Variants in REPS2 observed in about 807,000 individuals in gnomAD.
The protein encoded by REPS2 is ralBP1-associated Eps domain-containing protein 2.
A neutral mutation model predicts 53.6 loss-of-function variants in REPS2; 23 were observed. That is an observed-to-expected ratio of 0.43 (90% CI 0.31 to 0.61). REPS2 has a LOEUF of 0.61. REPS2 is among the 20% of genes least tolerant of loss of function. The pLI is 0.11. For missense variants in REPS2, 446 were observed against 534.9 expected (o/e 0.83, Z 1.64); for synonymous variants, 238 against 218.6 (o/e 1.09, Z -0.78).
At chrX:17,168,736 G>C in the REPS2 span, among the ~76,000 whole-genome samples, 1 of 112,082 alleles carries the variant, frequency 8.9e-6, no homozygotes, top group African/African-American at 3.2e-5. Context: ...CATTTGAACT[G>C]GGTCTTGTCC....
intron 13 of REPS2, among the ~76,000 whole-genome samples, chrX:17,085,772 C>A (rs1382148452): frequency 2.7e-5 from 3 of 111,345 alleles, no homozygotes; most frequent in Non-Finnish European, 5.7e-5. Context: ...AACCTCCACC[C>A]CCATATTATT....
intron 7 of REPS2, among the ~76,000 whole-genome samples, chrX:17,054,211 ATC>A (rs2062037531): frequency 8.9e-5 from 10 of 112,379 alleles, no homozygotes; most frequent in Middle Eastern, 4.6e-3. Flanking sequence ...TACTAGTTTT[ATC>A]CTAAAACATA....
chrX:17,073,491 T>G (rs1455027763), intron 11 of REPS2, among the ~76,000 whole-genome samples: 2 of 111,824 alleles, frequency 1.8e-5, no homozygotes, highest in African/African-American at 6.5e-5. Flanking sequence ...TGATTTAAAT[T>G]TGATGAGGAA....
intron 1 of REPS2, among the ~76,000 whole-genome samples, chrX:16,952,374 G>A (rs746320343): frequency 2.7e-5 from 3 of 111,469 alleles, no homozygotes; most frequent in African/African-American, 6.5e-5. Flanking sequence ...GATGGTTTCC[G>A]GCTTCATCCA....
intron 11 of REPS2, among the ~76,000 whole-genome samples, chrX:17,072,706 G>A (rs1400367261): frequency 1.8e-5 from 2 of 112,441 alleles, no homozygotes; most frequent in East Asian, 5.6e-4. Flanking sequence ...GGCAGCCTGC[G>A]TAGAGGGCTT....
chrX:17,132,672 G>A lies in REPS2; in HGVS notation c.1579-1152G>A, dbSNP rs761096449. Among the ~76,000 whole-genome samples the A allele has an allele frequency of 6.1e-4, 68 of 112,197 alleles. 1 individual carries two copies. Among genetic ancestry groups the A allele is most frequent in the Non-Finnish European group, 1.2e-3 (63 of 53,204 alleles). On this transcript the variant is annotated intron_variant, in intron 14 of 17. Transcript: ENST00000357277. ...CTTGCCTCAGCCTCCTGAGTAGCTG[G>A]GATTACAGGAACCCATCATCACGCC...
intron 1 of REPS2, among the ~76,000 whole-genome samples, chrX:16,993,676 A>C (rs939599760): frequency 3.9e-4 from 44 of 112,298 alleles, no homozygotes; most frequent in African/African-American, 1.4e-3. Context: ...AGCCCAAATT[A>C]CTGACCCCCA....
the REPS2 span, among the ~76,000 whole-genome samples, chrX:17,183,463 T>C: frequency 8.9e-6 from 1 of 112,518 alleles, no homozygotes; most frequent in Non-Finnish European, 1.9e-5. Context: ...GCAATACCAG[T>C]GACCTAAAGT....
chrX:17,088,033 T>TA (rs1426182782), intron 13 of REPS2, among the ~76,000 whole-genome samples: 1 of 110,577 alleles, frequency 9.0e-6, no homozygotes. Flanking sequence ...TCCAAGATGA[T>TA]AGACTGTTTT....
chrX:16,946,750 T>TGGTGGC lies in REPS2; in HGVS notation c.-109_-104dup. 1 of 700,661 alleles carries TGGTGGC rather than the reference T, an allele frequency of 1.4e-6. No homozygotes were observed. Among genetic ancestry groups the TGGTGGC allele is most frequent in the South Asian group, 7.1e-5 (1 of 14,120 alleles). 57.7% of individuals were successfully genotyped at this position (700,661 alleles called of 1,213,427 possible). Reference sequence around the variant, plus strand: ...GTGGGGGTGGTGGTGGCGGCGGCGGTGGTGGCGGCGGCGGCGGCGGCGGCA... The same window carrying TGGTGGC: ...GTGGGGGTGGTGGTGGCGGCGGCGGTGGTGGCGGTGGCGGCGGCGGCGGCGGCGGCA... On this transcript the variant is annotated 5_prime_UTR_variant, in exon 1 of 18. Transcript: ENST00000357277.
chrX:16,991,707 C>G (rs1171068991), intron 1 of REPS2, among the ~76,000 whole-genome samples: 1 of 109,256 alleles, frequency 9.2e-6, no homozygotes, highest in Non-Finnish European at 1.9e-5. Flanking sequence ...CACATGTACC[C>G]TAAAACTTAA....
In REPS2 at chrX:17,036,643, G is replaced by A. The variant is rs750187659; in HGVS notation, c.771+7020G>A. Among the ~76,000 whole-genome samples, 21 of 111,686 alleles carry A rather than the reference G, an allele frequency of 1.9e-4. No individual in the cohort carries two copies. In the South Asian group the frequency reaches 8.0e-3, roughly 42 times the overall value. On this transcript the variant is annotated intron_variant, in intron 5 of 17. Transcript: ENST00000357277. The stretch of plus-strand genomic sequence containing the variant: ...GCAGATTTCTTGTTTATAAGGTCAT[G>A]ACAGTAAAGTTGAATTACTTAGTTT...
chrX:17,135,096 C>T (rs954091157), intron 15 of REPS2, among the ~76,000 whole-genome samples, 165 bp from the exon 16 acceptor site: 1 of 111,090 alleles, frequency 9.0e-6, no homozygotes, highest in Non-Finnish European at 1.9e-5. Flanking sequence ...CCACTGGACT[C>T]TGATGCCTGT....
the REPS2 span, among the ~76,000 whole-genome samples, chrX:17,192,551 G>A: frequency 8.9e-6 from 1 of 111,816 alleles, no homozygotes; most frequent in African/African-American, 3.3e-5. Context: ...AAAAAGGGTG[G>A]CCTGGTCCAG....
intron 5 of REPS2, among the ~76,000 whole-genome samples, chrX:17,034,077 T>C (rs2061738320): frequency 8.9e-6 from 1 of 112,335 alleles, no homozygotes; most frequent in South Asian, 3.7e-4. Flanking sequence ...TTCCTTTTTT[T>C]TTCATTCTTA....
At chrX:16,961,689 C>T (rs973277726) in intron 1 of REPS2, among the ~76,000 whole-genome samples, 2 of 111,701 alleles carry the variant, frequency 1.8e-5, no homozygotes, top group Middle Eastern at 4.6e-3. Context: ...GGGAACAATC[C>T]GCAAATAAAA....
chrX:17,157,372 G>A (rs2063621987), downstream of REPS2, among the ~76,000 whole-genome samples: 1 of 111,313 alleles, frequency 9.0e-6, no homozygotes, highest in South Asian at 3.8e-4. Context: ...AGGTGAGGAG[G>A]TGGGAACTTT....
chrX:16,960,338 G>A (rs1216058496), intron 1 of REPS2, among the ~76,000 whole-genome samples: 2 of 107,019 alleles, frequency 1.9e-5, no homozygotes, highest in Non-Finnish European at 3.8e-5. Context: ...CCGCACTCCA[G>A]TTGGGCAGTA....
intron 5 of REPS2, among the ~76,000 whole-genome samples, chrX:17,040,738 C>CTA (rs2061820066): frequency 8.9e-6 from 1 of 112,124 alleles, no homozygotes; most frequent in African/African-American, 3.2e-5. Flanking sequence ...GAAGATGAAC[C>CTA]TATATTACTC....
Sources: gnomAD v4.1 joint callset for allele counts (sites outside exome capture counted in the v4.1 genomes callset) on GRCh38, gnomAD v4.1.1 for gene constraint, MANE v1.5 for transcripts, NCBI Gene and HGNC (gene_info 2026-07-23, HGNC 2026-07-21) for gene names.